The following SLC35F4 variants were observed in gnomAD, a reference collection of about 807,000 sequenced individuals.
SLC35F4 encodes the protein solute carrier family 35 member F4, also known as chromosome 14 open reading frame 36.
A neutral mutation model predicts 44.2 loss-of-function variants in SLC35F4; 24 were observed. The observed-to-expected ratio is 0.54, with a 90% CI of 0.39 to 0.76. The LOEUF (loss-of-function observed/expected upper bound fraction) is 0.76. Among genes scored for constraint, SLC35F4 ranks in the 30% least tolerant of loss-of-function variants. The pLI is 0.00. For synonymous variants in SLC35F4, 238 were observed against 223.6 expected (o/e 1.06, Z -0.57); for missense variants, 562 against 586.1 (o/e 0.96, Z 0.42).
chr14:57,569,675 A>C lies in SLC35F4; in HGVS notation c.1126+113T>G, dbSNP rs961127301. ...ATGACCAACGACATTGAACAACATAAGTTTGGGAACTAGAGCACAGAGTTA... is the reference window on the plus strand; with the variant it reads ...ATGACCAACGACATTGAACAACATACGTTTGGGAACTAGAGCACAGAGTTA... On this transcript the variant is annotated intron_variant, in intron 6 of 7. Coordinates refer to ENST00000556826, the MANE Select transcript of SLC35F4 (RefSeq NM_001306087.2). The C allele has an allele frequency of 4.2e-6, 5 of 1,192,224 alleles. No homozygotes were observed. The African/African-American group carries it at 7.8e-5, about 19-fold the overall frequency. 73.9% of individuals were successfully genotyped at this position (1,192,224 alleles called of 1,614,324 possible).
chr14:57,981,666 G>T (rs1352119350), intron 1 of SLC35F4, among the ~76,000 whole-genome samples: 2 of 151,984 alleles, frequency 1.3e-5, no homozygotes, highest in Admixed American at 1.3e-4. Context: ...TATTATCCAC[G>T]GTGGTAAATC....
intron 1 of SLC35F4, chr14:57,799,619 AG>A (rs2078140688): frequency 6.5e-6 from 1 of 152,730 alleles, no homozygotes; most frequent in Non-Finnish European, 1.5e-5. Flanking sequence ...TCCTGGGGGG[AG>A]GGGTGGCCAC....
rs550441057 is a variant in SLC35F4, at chr14:57,587,460, C to T, written c.587+1756G>A. 8.7e-4 allele frequency among the ~76,000 whole-genome samples: 132 copies of T among 152,300 alleles called. 1 individual carries two copies. The highest frequency in any genetic ancestry group is 6.6e-3 in the South Asian group (32 of 4,824). On this transcript the variant is annotated intron_variant, in intron 3 of 7. Transcript: ENST00000556826. ...ATGCAGCCATAAAAAAAGATGAGTT[C>T]GTGTCCTTTGCAGGGCCATGGATGA...
At chr14:57,910,646 T>C (rs1566927507) in intron 1 of SLC35F4, among the ~76,000 whole-genome samples, 1 of 152,062 alleles carries the variant, frequency 6.6e-6, no homozygotes, top group Non-Finnish European at 1.5e-5. Flanking sequence ...ACTATTTGTC[T>C]AGTCTTTTGC....
intron 1 of SLC35F4, chr14:57,837,497 C>T (rs1314502446): frequency 6.6e-6 from 1 of 152,244 alleles, no homozygotes; most frequent in Non-Finnish European, 1.5e-5. Context: ...GGTAGACCTC[C>T]TCCAATTGGA....
At chr14:57,571,789 C>T (rs999713220) in intron 5 of SLC35F4, 105 bp downstream of exon 5, 3 of 1,406,776 alleles carry the variant, frequency 2.1e-6, no homozygotes, top group Non-Finnish European at 2.8e-6. Context: ...TATTTCAACA[C>T]ATCTATTTTC....
At chr14:57,583,246 A>G (rs1218550874) in intron 3 of SLC35F4, among the ~76,000 whole-genome samples, 1 of 152,216 alleles carries the variant, frequency 6.6e-6, no homozygotes, top group African/African-American at 2.4e-5. Context: ...AAGTTTTCAT[A>G]GAGCATCCTG....
At chr14:57,794,428 C>A (rs375111243) in intron 1 of SLC35F4, among the ~76,000 whole-genome samples, 2 of 151,822 alleles carry the variant, frequency 1.3e-5, no homozygotes, top group Non-Finnish European at 2.9e-5. Flanking sequence ...AAATGGCCAA[C>A]AAACATATGA....
At position 57,739,830 on chromosome 14, in the gene SLC35F4, G is replaced by A. The variant is rs144782065; in HGVS notation, c.103+125893C>T. 1.1e-3 allele frequency among the ~76,000 whole-genome samples: 164 copies of A among 152,296 alleles called. 1 individual carries two copies. The highest frequency in any genetic ancestry group is 3.0e-3 in the Admixed American group (46 of 15,298). ...TGTAATTGATGGTGGGGCACCTAGC[G>A]TAGAGCCAACTCTCAGCAAACAGTG... On this transcript the variant is annotated intron_variant, in intron 1 of 7. Coordinates refer to ENST00000556826, the MANE Select transcript of SLC35F4 (RefSeq NM_001306087.2).
At chr14:57,734,177 G>T (rs926409171) in intron 1 of SLC35F4, among the ~76,000 whole-genome samples, 13 of 150,206 alleles carry the variant, frequency 8.7e-5, no homozygotes, top group Admixed American at 8.6e-4. Context: ...TCACATTATG[G>T]TACAGTGGAA....
intron 1 of SLC35F4, among the ~76,000 whole-genome samples, chr14:57,921,551 A>G (rs8022477): frequency 0.044 from 6,730 of 152,280 alleles, 419 homozygotes; most frequent in African/African-American, 0.14. Flanking sequence ...GGCTTAAACA[A>G]CAAAAATGGA....
intron 1 of SLC35F4, among the ~76,000 whole-genome samples, chr14:57,928,576 G>A (rs1889628279): frequency 6.6e-6 from 1 of 152,208 alleles, no homozygotes; most frequent in East Asian, 1.9e-4. Flanking sequence ...CCCTGGCAGT[G>A]TGGTGTGCGA....
At chr14:57,690,994 C>G (rs1279291330) in intron 1 of SLC35F4, among the ~76,000 whole-genome samples, 2 of 152,164 alleles carry the variant, frequency 1.3e-5, no homozygotes, top group South Asian at 4.1e-4. Flanking sequence ...GTCCCCAACC[C>G]TGGGTACCAT....
intron 1 of SLC35F4, among the ~76,000 whole-genome samples, chr14:57,756,040 A>G (rs1383712785): frequency 6.6e-6 from 1 of 152,160 alleles, no homozygotes; most frequent in Non-Finnish European, 1.5e-5. Context: ...ATGGTCAGGG[A>G]ACTTTTGCAG....
At chr14:57,603,900 G>A (rs929022884) in intron 1 of SLC35F4, 3 of 152,188 alleles carry the variant, frequency 2.0e-5, no homozygotes, top group East Asian at 1.9e-4. Flanking sequence ...TCTCTATGAT[G>A]TCTTCACTCA....
At chr14:57,709,495 T>C (rs1364772633) in intron 1 of SLC35F4, among the ~76,000 whole-genome samples, 1 of 152,144 alleles carries the variant, frequency 6.6e-6, no homozygotes, top group Non-Finnish European at 1.5e-5. Flanking sequence ...TATTCATATA[T>C]AATCATATCT....
chr14:57,740,820 A>G (rs1256320779), intron 1 of SLC35F4, among the ~76,000 whole-genome samples: 1 of 152,228 alleles, frequency 6.6e-6, no homozygotes, highest in Non-Finnish European at 1.5e-5. Context: ...GAACAGACAT[A>G]CTGCCTCCTC....
intron 1 of SLC35F4, among the ~76,000 whole-genome samples, chr14:57,892,699 C>T (rs980388690): frequency 2.0e-5 from 3 of 152,090 alleles, no homozygotes; most frequent in African/African-American, 7.2e-5. Flanking sequence ...CTTGGATTAG[C>T]ACCTTAATAT....
intron 1 of SLC35F4, among the ~76,000 whole-genome samples, chr14:57,736,231 C>A (rs1269865038): frequency 1.3e-5 from 2 of 152,168 alleles, no homozygotes; most frequent in African/African-American, 2.4e-5. Context: ...GAAATCTAAG[C>A]CTTTTCTTAG....
Sources: allele counts gnomAD v4.1 joint callset (sites outside exome capture counted in the v4.1 genomes callset), GRCh38; gene constraint gnomAD v4.1.1; transcripts MANE v1.5; gene names NCBI Gene and HGNC (gene_info 2026-07-23, HGNC 2026-07-21).